Variants in ZNF536 observed in about 807,000 individuals in gnomAD.
The protein encoded by ZNF536 is zinc finger protein 536.
ZNF536 carries 13 observed loss-of-function variants against 84.5 expected under a neutral mutation model. That is an observed-to-expected ratio of 0.15 (90% CI 0.10 to 0.24). The LOEUF is 0.24. ZNF536 is among the 10% of genes least tolerant of loss of function. The pLI is 1.00. For missense variants in ZNF536, 1,536 were observed against 1,747.5 expected (o/e 0.88, Z 2.16); for synonymous variants, 811 against 742.5 (o/e 1.09, Z -1.50).
intron 2 of ZNF536, among the ~76,000 whole-genome samples, chr19:30,314,671 G>A (rs1041511261): frequency 1.3e-5 from 2 of 152,084 alleles, no homozygotes; most frequent in African/African-American, 2.4e-5. Context: ...ATCCCGGCTC[G>A]CTGGGGAGGT....
At chr19:30,366,172 T>C (rs2048421556) in intron 3 of ZNF536, among the ~76,000 whole-genome samples, 1 of 152,212 alleles carries the variant, frequency 6.6e-6, no homozygotes, top group African/African-American at 2.4e-5. Flanking sequence ...CATTTAATCA[T>C]ATGCCGCTCT....
intron 1 of ZNF536, among the ~76,000 whole-genome samples, chr19:30,592,798 G>A (rs1292376133): frequency 3.9e-5 from 6 of 151,988 alleles, no homozygotes; most frequent in Non-Finnish European, 8.8e-5. Flanking sequence ...GGACATATCC[G>A]CTGTGCTACT....
At chr19:30,705,956 T>C (rs1316572175) in intron 1 of ZNF536, among the ~76,000 whole-genome samples, 2 of 152,028 alleles carry the variant, frequency 1.3e-5, no homozygotes, top group Non-Finnish European at 2.9e-5. Flanking sequence ...AAAATCATGA[T>C]TAATATTTTA....
At chr19:30,609,871 T>TATCC (rs1346095975) in intron 1 of ZNF536, among the ~76,000 whole-genome samples, 1 of 109,234 alleles carries the variant, frequency 9.2e-6, no homozygotes, top group Non-Finnish European at 1.9e-5. Flanking sequence ...TCCACCCATT[T>TATCC]ATCCATCCAT....
chr19:30,519,655 G>T (rs1029222803), intron 2 of ZNF536, among the ~76,000 whole-genome samples: 1 of 152,226 alleles, frequency 6.6e-6, no homozygotes, highest in Non-Finnish European at 1.5e-5. Context: ...GGAAGGGCAG[G>T]TCAGAGGTGG....
At chr19:30,522,273 A>T (rs202198105) in intron 2 of ZNF536, among the ~76,000 whole-genome samples, 2 of 85,106 alleles carry the variant, frequency 2.4e-5, no homozygotes, top group African/African-American at 8.4e-5. Context: ...ATATATATAT[A>T]CATATATATA....
chr19:30,281,465 C>A (rs73023655), intron 1 of ZNF536, among the ~76,000 whole-genome samples: 2,760 of 152,240 alleles, frequency 0.018, 45 homozygotes, highest in Non-Finnish European at 0.026. Flanking sequence ...TGGTGCCCTG[C>A]CTTTGATGTG....
intron 2 of ZNF536, among the ~76,000 whole-genome samples, chr19:30,461,845 G>A (rs2053152727): frequency 1.3e-5 from 2 of 152,212 alleles, no homozygotes; most frequent in Non-Finnish European, 2.9e-5. Flanking sequence ...GGGAGAAGGG[G>A]CCTGCAGGTA....
At chr19:30,522,372 A>T (rs12980837) in intron 2 of ZNF536, among the ~76,000 whole-genome samples, 15,464 of 147,700 alleles carry the variant, frequency 0.1, 1,121 homozygotes, top group Non-Finnish European at 0.17. Flanking sequence ...ATTCAAAAAA[A>T]TTTTTTAAGC....
intron 2 of ZNF536, among the ~76,000 whole-genome samples, chr19:30,466,584 AAG>A (rs372587955): frequency 3.3e-4 from 48 of 144,372 alleles, no homozygotes; most frequent in Admixed American, 6.9e-4. Flanking sequence ...GAAAGAAAGA[AAG>A]AGAGAGAGAG....
rs996630522 is a variant in ZNF536, at chr19:30,624,851, A to G, written c.169+75337A>G. ...GAGGCAGTTTCTCCCATGCTGTTCT[A>G]GTGATAGTGAGTGAGTTTTCATGAG... On this transcript the variant is annotated intron_variant, in intron 1 of 1. Coordinates refer to the ZNF536 transcript ENST00000592773. 1.4e-4 allele frequency among the ~76,000 whole-genome samples: 22 copies of G among 152,232 alleles called. No homozygotes were observed. In the East Asian group the frequency reaches 4.1e-3, roughly 28 times the overall value.
intron 1 of ZNF536, among the ~76,000 whole-genome samples, chr19:30,379,080 C>T (rs1006761724): frequency 2.6e-5 from 4 of 152,180 alleles, no homozygotes; most frequent in African/African-American, 9.7e-5. Flanking sequence ...CCTTGAAAAC[C>T]TCGGTCAAAT....
chr19:30,560,170 A>G (rs1453924254), downstream of ZNF536, among the ~76,000 whole-genome samples: 1 of 151,962 alleles, frequency 6.6e-6, no homozygotes, highest in Admixed American at 6.6e-5. Flanking sequence ...GAATGAGCCA[A>G]CTTCATTTTA....
At chr19:30,493,805 C>A (rs889385530) in intron 2 of ZNF536, among the ~76,000 whole-genome samples, 5 of 152,016 alleles carry the variant, frequency 3.3e-5, no homozygotes, top group South Asian at 4.2e-4. Context: ...CCTGCGGGGG[C>A]CAGAAAATTC....
intron 2 of ZNF536, among the ~76,000 whole-genome samples, chr19:30,310,422 A>G (rs1316661654): frequency 6.6e-6 from 1 of 152,266 alleles, no homozygotes; most frequent in African/African-American, 2.4e-5. Flanking sequence ...TGTGCCGAAC[A>G]AGTCAGGCAA....
intron 2 of ZNF536, among the ~76,000 whole-genome samples, chr19:30,288,857 C>T (rs888664956): frequency 9.9e-5 from 15 of 152,186 alleles, no homozygotes; most frequent in African/African-American, 3.4e-4. Context: ...CCCCTTTCTC[C>T]ATCTTTATTC....
chr19:30,706,436 G>A (rs2052230971), intron 1 of ZNF536, among the ~76,000 whole-genome samples: 2 of 148,728 alleles, frequency 1.3e-5, no homozygotes, highest in African/African-American at 2.5e-5. Flanking sequence ...GTAGTGAGCC[G>A]AGATCACACC....
intron 1 of ZNF536, among the ~76,000 whole-genome samples, chr19:30,256,794 T>C (rs55800473): frequency 0.26 from 39,281 of 152,118 alleles, 5,320 homozygotes; most frequent in Middle Eastern, 0.33. Context: ...TTCCGGGAGA[T>C]GGAGGTCACA....
intron 1 of ZNF536, among the ~76,000 whole-genome samples, chr19:30,430,532 G>A (rs1055990523): frequency 8.5e-5 from 13 of 152,286 alleles, no homozygotes; most frequent in East Asian, 1.9e-4. Context: ...GCTCTGGACC[G>A]GGACCTGACA....
Sources: gnomAD v4.1 joint callset for allele counts (sites outside exome capture counted in the v4.1 genomes callset) on GRCh38, gnomAD v4.1.1 for gene constraint, MANE v1.5 for transcripts, NCBI Gene and HGNC (gene_info 2026-07-23, HGNC 2026-07-21) for gene names.